NKTR: variants seen among roughly 807,000 people sequenced by gnomAD.
The protein encoded by NKTR is NK-tumor recognition protein.
Under a neutral mutation model 156.3 loss-of-function variants are expected in NKTR, and 67 were observed. The ratio of observed to expected loss-of-function variants is 0.43; its 90% CI spans 0.35 to 0.53. The LOEUF is 0.53. Among genes scored for constraint, NKTR ranks in the 20% least tolerant of loss-of-function variants. NKTR has a pLI of 0.01. For missense variants in NKTR, 1,604 were observed against 1,730.9 expected (o/e 0.93, Z 1.30); for synonymous variants, 640 against 596.6 (o/e 1.07, Z -1.06).
chr3:42,639,305 T>G lies in NKTR; in HGVS notation c.3601T>G (p.Leu1201Val). ...GAAACAGGACAGCAGCTCTGCTAGC[T>G]TGGCTAGTGCTGGAGAAAGTACCGG... ...VGKQDSSSASLASAGESTGKK... is the reference protein window; with the variant it reads ...VGKQDSSSASVASAGESTGKK... Residue 1201 changes from leucine to valine, a missense_variant, in exon 13 of 17, where the codon TTG becomes GTG. By Grantham distance (32) the Leu-to-Val change is conservative. Around this residue, in one of 6 missense-constraint regions of NKTR, gnomAD observed 1,255 missense variants for 1,243.7 expected, o/e 1.01. Transcript: ENST00000232978. The G allele has an allele frequency of 1.2e-6, 2 of 1,614,140 alleles. No homozygotes were observed. Among genetic ancestry groups the G allele is most frequent in the South Asian group, 1.1e-5 (1 of 91,086 alleles).
At chr3:42,605,829 G>A (rs1269870527) in intron 2 of NKTR, among the ~76,000 whole-genome samples, 2 of 152,094 alleles carry the variant, frequency 1.3e-5, no homozygotes, top group Non-Finnish European at 2.9e-5. Context: ...CCTAATAATA[G>A]GACTCCAGTG....
At chr3:42,631,806 C>G (rs1026823709) in intron 8 of NKTR, among the ~76,000 whole-genome samples, 1 of 152,190 alleles carries the variant, frequency 6.6e-6, no homozygotes, top group Admixed American at 6.5e-5. Flanking sequence ...TCTGCTGTCT[C>G]TCTAAACTCT....
At chr3:42,614,294 A>T (rs930717073) in intron 2 of NKTR, among the ~76,000 whole-genome samples, 2 of 152,128 alleles carry the variant, frequency 1.3e-5, no homozygotes, top group East Asian at 1.9e-4. Flanking sequence ...AGCCAGAGAG[A>T]CTTACGCAAA....
At chr3:42,642,893 C>T (rs533142271) in intron 14 of NKTR, among the ~76,000 whole-genome samples, 2 of 152,296 alleles carry the variant, frequency 1.3e-5, no homozygotes, top group South Asian at 4.1e-4. Context: ...GCATTCACCT[C>T]TTGACATGGG....
rs542456252 is a variant in NKTR, at chr3:42,606,290, A to G, written c.58+5226A>G. Reference sequence around the variant, plus strand: ...TTTATATGGAAATAGTTATTTTTATATGTGATTTTCGATAATGCAGTGTTT... The same window carrying G: ...TTTATATGGAAATAGTTATTTTTATGTGTGATTTTCGATAATGCAGTGTTT... On this transcript the variant is annotated intron_variant, in intron 2 of 16. Transcript: ENST00000232978. Among the ~76,000 whole-genome samples, 11 of 152,290 alleles carry G rather than the reference A, an allele frequency of 7.2e-5. No homozygotes were observed. The South Asian group carries it at 2.3e-3, about 32-fold the overall frequency.
At chr3:42,645,785 A>G in intron 16 of NKTR, 103 bp from the exon 17 acceptor site, 3 of 657,656 alleles carry the variant, frequency 4.6e-6, no homozygotes, top group Non-Finnish European at 7.8e-6. Flanking sequence ...GCTTGAAAAC[A>G]CTATTGATGT....
rs187112167 is a variant in NKTR, at chr3:42,644,658, A to G, written c.4301+655A>G. Among the ~76,000 whole-genome samples the G allele has an allele frequency of 1.0e-3, 158 of 152,020 alleles. No individual in the cohort carries two copies. The East Asian group carries it at 0.011, about 11-fold the overall frequency. On this transcript the variant is annotated intron_variant, in intron 16 of 16. Transcript: ENST00000232978. ...TTTCATGATCAGGTCCAGCCTCCTC[A>G]GCACCAACTCCAGCTCACACTCTTT... is the stretch of plus-strand genomic sequence containing the variant.
Position 42,646,606 on chromosome 3 carries a change from A to C in NKTR, c.*631A>C, listed in dbSNP as rs1710359029. The stretch of plus-strand genomic sequence containing the variant: ...AGGCTTGTGGGCAAGGTTAGGAAGA[A>C]TCAATCAGCCTTAACTATAAATACC... On this transcript the variant is annotated 3_prime_UTR_variant, in exon 17 of 17. Coordinates refer to ENST00000232978, the MANE Select transcript of NKTR (RefSeq NM_005385.4). 1 of 152,672 alleles carries C rather than the reference A, an allele frequency of 6.5e-6. No individual in the cohort carries two copies. The highest frequency in any genetic ancestry group is 2.4e-5 in the African/African-American group (1 of 41,452). The allele number at this position is 152,672 out of a possible 1,614,324, so 9.5% of individuals were successfully genotyped here.
At chr3:42,635,079 G>C in intron 11 of NKTR, 142 bp from the exon 12 acceptor site, 1 of 270,678 alleles carries the variant, frequency 3.7e-6, no homozygotes. Flanking sequence ...AAAAAAAAAA[G>C]AACTTTAGAC....
chr3:42,642,243 T>C (rs1356502790), intron 13 of NKTR, among the ~76,000 whole-genome samples: 1 of 152,200 alleles, frequency 6.6e-6, no homozygotes, highest in Non-Finnish European at 1.5e-5. Context: ...TTCTCAGTGT[T>C]ATTGGTGTTA....
chr3:42,610,254 C>G (rs1181362307), intron 2 of NKTR, among the ~76,000 whole-genome samples: 1 of 152,066 alleles, frequency 6.6e-6, no homozygotes, highest in African/African-American at 2.4e-5. Flanking sequence ...TCCGCGCCCC[C>G]CACCGCCTCC....
In NKTR at chr3:42,639,680, A is replaced by C. The variant is rs1347057366; in HGVS notation, c.3976A>C (p.Arg1326=). ...RSRSKSETKS[R]HRTRSVSYSH... ...TCGAAGTAAATCTGAAACCAAATCA[A>C]GACACAGAACAAGGTCTGTCTCCTA... The change falls in exon 13 of 17, where the codon AGA becomes CGA. Residue 1326 remains arginine, a synonymous_variant. Coordinates refer to ENST00000232978, the MANE Select transcript of NKTR (RefSeq NM_005385.4). 2 of 1,614,040 alleles carry C rather than the reference A, an allele frequency of 1.2e-6. No individual in the cohort carries two copies. Among genetic ancestry groups the C allele is most frequent in the South Asian group, 2.2e-5 (2 of 91,074 alleles).
chr3:42,618,471 ACT>A (rs1255971985), intron 3 of NKTR, among the ~76,000 whole-genome samples: 1 of 151,788 alleles, frequency 6.6e-6, no homozygotes, highest in Non-Finnish European at 1.5e-5. Flanking sequence ...ACGGAGTCTG[ACT>A]CTTGTCTCAA....
Position 42,646,164 on chromosome 3 carries a change from T to C in NKTR, c.*189T>C. ...AATACAGATATGTCTCCTAAAAATATTTTTATGCCACATTTTACAGTAGCC... is the reference window on the plus strand; with the variant it reads ...AATACAGATATGTCTCCTAAAAATACTTTTATGCCACATTTTACAGTAGCC... On this transcript the variant is annotated 3_prime_UTR_variant, in exon 17 of 17. Coordinates refer to ENST00000232978, the MANE Select transcript of NKTR (RefSeq NM_005385.4). 5 of 447,398 alleles carry C rather than the reference T, an allele frequency of 1.1e-5. No homozygotes were observed. The South Asian group carries it at 1.4e-4, about 12-fold the overall frequency. The allele number at this position is 447,398 out of a possible 1,614,324, so 27.7% of individuals were successfully genotyped here. A position where few individuals can be genotyped will look rare whatever the true frequency, so the allele number is the denominator to read the frequency against.
Position 42,643,886 on chromosome 3 carries a change from GT to G in NKTR, c.4200-14del, listed in dbSNP as rs1197511892. On this transcript the variant is annotated splice_polypyrimidine_tract_variant and intron_variant, in intron 15 of 16. Coordinates refer to ENST00000232978, the MANE Select transcript of NKTR (RefSeq NM_005385.4). The stretch of plus-strand genomic sequence containing the variant: ...TGAGTGGGAAAATTTAGTGTTTGTT[GT>G]TGCCGTTAAAGCAGGTCCTACACCT... The G allele has an allele frequency of 6.3e-7, 1 of 1,590,900 alleles. No individual in the cohort carries two copies. The highest frequency in any genetic ancestry group is 2.2e-5 in the East Asian group (1 of 44,750).
intron 16 of NKTR, among the ~76,000 whole-genome samples, chr3:42,645,269 GT>G (rs1710253407): frequency 6.6e-6 from 1 of 151,996 alleles, no homozygotes; most frequent in African/African-American, 2.4e-5. Flanking sequence ...TTGGTTTTTT[GT>G]TTTTGTGGTC....
chr3:42,646,183 A>T lies in NKTR; in HGVS notation c.*208A>T. The stretch of plus-strand genomic sequence containing the variant: ...AAAATATTTTTATGCCACATTTTAC[A>T]GTAGCCAACTATGGAAATGAATTTC... On this transcript the variant is annotated 3_prime_UTR_variant, in exon 17 of 17. Coordinates refer to ENST00000232978, the MANE Select transcript of NKTR (RefSeq NM_005385.4). 1 of 415,592 alleles carries T rather than the reference A, an allele frequency of 2.4e-6. No individual in the cohort carries two copies. The highest frequency in any genetic ancestry group is 4.5e-6 in the Non-Finnish European group (1 of 224,564). The allele number at this position is 415,592 out of a possible 1,614,324, so 25.7% of individuals were successfully genotyped here. A position where few individuals can be genotyped will look rare whatever the true frequency, so the allele number is the denominator to read the frequency against.
intron 6 of NKTR, chr3:42,629,614 T>A (rs1708708207): frequency 1.0e-6 from 1 of 979,320 alleles, no homozygotes; most frequent in African/African-American, 1.7e-5. Flanking sequence ...TCTTTCAAAT[T>A]TCTGTTTTCT....
At chr3:42,602,953 G>A (rs1303677992) in intron 2 of NKTR, 1 of 150,610 alleles carries the variant, frequency 6.6e-6, no homozygotes, top group Non-Finnish European at 1.5e-5. Context: ...TTGAGCCTGG[G>A]AAGCAGAGGT....
Sources: allele counts gnomAD v4.1 joint callset (sites outside exome capture counted in the v4.1 genomes callset), GRCh38; gene constraint gnomAD v4.1.1; regional missense constraint gnomAD v4.1.1; transcripts MANE v1.5; gene names NCBI Gene and HGNC (gene_info 2026-07-23, HGNC 2026-07-21).